Variants in BLMH observed in about 807,000 individuals in gnomAD.
BLMH encodes the protein BLM hydrolase.
Under a neutral mutation model 61.6 loss-of-function variants are expected in BLMH, and 32 were observed. The ratio of observed to expected loss-of-function variants is 0.52; its 90% CI spans 0.39 to 0.70. The LOEUF is 0.70. Among genes scored for constraint, BLMH ranks in the 30% least tolerant of loss-of-function variants. BLMH has a pLI of 0.00. For missense variants in BLMH, 460 were observed against 555.5 expected (o/e 0.83, Z 1.73); for synonymous variants, 183 against 193.8 (o/e 0.94, Z 0.46).
At chr17:30,271,664 T>C (rs1284245220) in intron 9 of BLMH, among the ~76,000 whole-genome samples, 1 of 152,238 alleles carries the variant, frequency 6.6e-6, no homozygotes, top group Non-Finnish European at 1.5e-5. Flanking sequence ...CATTGTCATT[T>C]AGGCAAGAAA....
intron 6 of BLMH, among the ~76,000 whole-genome samples, chr17:30,278,634 CAT>C (rs1908488732): frequency 6.6e-6 from 1 of 152,120 alleles, no homozygotes; most frequent in Non-Finnish European, 1.5e-5. Context: ...GTGTCAGATA[CAT>C]ATGTTAAGAA....
At chr17:30,250,532 T>A (rs1157160542) in intron 11 of BLMH, among the ~76,000 whole-genome samples, 1 of 152,088 alleles carries the variant, frequency 6.6e-6, no homozygotes, top group East Asian at 1.9e-4. Context: ...AAAACCACAA[T>A]GTGATACCAC....
chr17:30,261,702 A>G (rs566005816), intron 11 of BLMH, among the ~76,000 whole-genome samples: 3 of 152,350 alleles, frequency 2.0e-5, no homozygotes, highest in South Asian at 4.1e-4. Flanking sequence ...TTTATGAAGA[A>G]TATGTTGATT....
intron 4 of BLMH, among the ~76,000 whole-genome samples, chr17:30,287,573 A>G (rs1181670857): frequency 6.6e-6 from 1 of 152,222 alleles, no homozygotes; most frequent in Non-Finnish European, 1.5e-5. Context: ...AGTTCTCCTT[A>G]ATACTACCTT....
At chr17:30,264,460 G>A (rs571453395) in intron 11 of BLMH, among the ~76,000 whole-genome samples, 16 of 152,254 alleles carry the variant, frequency 1.1e-4, no homozygotes, top group Non-Finnish European at 1.3e-4. Context: ...AAAGCTAAAT[G>A]GAAAAATTAT....
chr17:30,249,369 TA>T, intron 11 of BLMH: 1 of 605,508 alleles, frequency 1.7e-6, no homozygotes, highest in Non-Finnish European at 2.8e-6. Flanking sequence ...TTAGAAAAAT[TA>T]GAAAACCGGG....
intron 11 of BLMH, among the ~76,000 whole-genome samples, chr17:30,265,227 T>C (rs116231326): frequency 6.6e-6 from 1 of 152,178 alleles, no homozygotes; most frequent in Non-Finnish European, 1.5e-5. Context: ...ATTATTCTCA[T>C]AGAGAGATGA....
chr17:30,259,539 T>C (rs577553045), intron 11 of BLMH, among the ~76,000 whole-genome samples: 3 of 152,288 alleles, frequency 2.0e-5, no homozygotes, highest in African/African-American at 7.2e-5. Context: ...GTTCTTCTTC[T>C]GTTAACTGCC....
intron 3 of BLMH, among the ~76,000 whole-genome samples, chr17:30,288,770 G>C (rs1249192723): frequency 6.6e-6 from 1 of 152,132 alleles, no homozygotes; most frequent in Non-Finnish European, 1.5e-5. Flanking sequence ...TTCGAGACCA[G>C]TCTGACCAAC....
Position 30,287,791 on chromosome 17 carries a change from A to C in BLMH, c.463+15T>G. On this transcript the variant is annotated intron_variant, in intron 4 of 11. Transcript: ENST00000261714. ...TCATGCTGAGTTTCAGTTCCATTAA[A>C]GAAAGAACTTTTACCAACAATATTA... 1 of 1,613,192 alleles carries C rather than the reference A, an allele frequency of 6.2e-7. No homozygotes were observed. Among genetic ancestry groups the C allele is most frequent in the Non-Finnish European group, 8.5e-7 (1 of 1,179,556 alleles).
intron 6 of BLMH, among the ~76,000 whole-genome samples, chr17:30,276,001 G>A (rs1463690368): frequency 6.6e-6 from 1 of 151,648 alleles, no homozygotes; most frequent in Non-Finnish European, 1.5e-5. Flanking sequence ...ACCCTCTCAA[G>A]GTATATTTCC....
intron 11 of BLMH, 81 bp downstream of exon 11, chr17:30,266,804 C>T: frequency 7.8e-7 from 1 of 1,283,758 alleles, no homozygotes; most frequent in Admixed American, 1.7e-5. Flanking sequence ...AAATCCTCCA[C>T]ACTAGAGCAG....
At chr17:30,262,749 C>G (rs569927186) in intron 11 of BLMH, among the ~76,000 whole-genome samples, 3 of 152,006 alleles carry the variant, frequency 2.0e-5, no homozygotes, top group Non-Finnish European at 4.4e-5. Flanking sequence ...GAGCTGAGAT[C>G]GCGCCACCGC....
intron 6 of BLMH, among the ~76,000 whole-genome samples, chr17:30,275,585 C>T (rs1430803994): frequency 1.1e-4 from 17 of 151,974 alleles, no homozygotes; most frequent in Non-Finnish European, 2.2e-4. Context: ...ACTCGGGAGG[C>T]TGAGGCAGGA....
chr17:30,291,751 C>G (rs1908898610), intron 1 of BLMH, 56 bp downstream of exon 1: 1 of 1,423,360 alleles, frequency 7.0e-7, no homozygotes, highest in Non-Finnish European at 9.2e-7. Context: ...CGCCGGGCCT[C>G]ACGGGGACCG....
intron 6 of BLMH, among the ~76,000 whole-genome samples, chr17:30,280,746 G>A (rs1199808707): frequency 6.6e-6 from 1 of 152,068 alleles, no homozygotes; most frequent in Non-Finnish European, 1.5e-5. Flanking sequence ...CCAAGGCACT[G>A]GGATTATAGA....
At chr17:30,271,222 T>A in intron 10 of BLMH, 49 bp downstream of exon 10, 1 of 1,307,728 alleles carries the variant, frequency 7.6e-7, no homozygotes, top group South Asian at 1.2e-5. Flanking sequence ...TACAGGAGAA[T>A]GTAGATCCAT....
At chr17:30,257,037 G>A (rs1243866294) in intron 11 of BLMH, among the ~76,000 whole-genome samples, 4 of 152,172 alleles carry the variant, frequency 2.6e-5, no homozygotes, top group African/African-American at 7.2e-5. Flanking sequence ...AATTACAAAT[G>A]CACTTACCCT....
At chr17:30,266,982 G>A in intron 10 of BLMH, 28 bp from the exon 11 acceptor site, 1 of 1,605,856 alleles carries the variant, frequency 6.2e-7, no homozygotes, top group Non-Finnish European at 8.5e-7. Context: ...ATGGTGAGTA[G>A]TCTGAAGCCA....
Sources: gnomAD v4.1 joint callset for allele counts (sites outside exome capture counted in the v4.1 genomes callset) on GRCh38, gnomAD v4.1.1 for gene constraint, MANE v1.5 for transcripts, NCBI Gene and HGNC (gene_info 2026-07-23, HGNC 2026-07-21) for gene names.